AFF3: variants seen among roughly 807,000 people sequenced by gnomAD.
AFF3 encodes the protein AF4/FMR2 family member 3.
AFF3 carries 32 observed loss-of-function variants against 129.7 expected under a neutral mutation model. That is an observed-to-expected ratio of 0.25 (90% confidence interval 0.19 to 0.33). The LOEUF is 0.33. Among genes scored for constraint, AFF3 ranks in the 10% least tolerant of loss-of-function variants. The pLI, the probability that AFF3 is intolerant of heterozygous loss-of-function variation, is 1.00. For synonymous variants in AFF3, 644 were observed against 635.4 expected, an observed-to-expected ratio of 1.01 and a Z score of -0.20; for missense variants, 1,373 against 1,592.0, an observed-to-expected ratio of 0.86 and a Z score of 2.34.
At chr2:100,115,088 A>G (rs976989677) in intron 2 of AFF3, among the ~76,000 whole-genome samples, 3 of 151,720 alleles carry the variant, frequency 2.0e-5, no homozygotes, top group Non-Finnish European at 4.4e-5. Context: ...CAAAATTAAC[A>G]TGTGGGATTT....
At chr2:99,622,786 T>G (rs1682152944) in intron 13 of AFF3, among the ~76,000 whole-genome samples, 1 of 152,198 alleles carries the variant, frequency 6.6e-6, no homozygotes, top group Admixed American at 6.5e-5. Flanking sequence ...AGCCCATTCT[T>G]TCATTGAACT....
chr2:99,703,154 C>T (rs549411703), intron 11 of AFF3, among the ~76,000 whole-genome samples: 1 of 152,342 alleles, frequency 6.6e-6, no homozygotes, highest in African/African-American at 2.4e-5. Flanking sequence ...TGATGCAGGG[C>T]TGTGTTCCTT....
intron 11 of AFF3, among the ~76,000 whole-genome samples, chr2:99,726,231 G>T (rs1457113009): frequency 2.6e-5 from 4 of 152,018 alleles, no homozygotes; most frequent in Non-Finnish European, 5.9e-5. Flanking sequence ...ACAGATTTTG[G>T]ACAAAATAAG....
intron 12 of AFF3, among the ~76,000 whole-genome samples, chr2:99,661,431 C>T (rs1343710191): frequency 2.6e-5 from 4 of 152,172 alleles, no homozygotes; most frequent in African/African-American, 4.8e-5. Flanking sequence ...AATGGTTTCC[C>T]ATTTTTGTCT....
chr2:99,908,643 C>T (rs1427381711), intron 7 of AFF3, among the ~76,000 whole-genome samples: 3 of 152,264 alleles, frequency 2.0e-5, no homozygotes, highest in South Asian at 2.1e-4. Context: ...AAACAAACAA[C>T]CCCATCAAAA....
chr2:99,654,234 C>G (rs1685546401), intron 12 of AFF3, among the ~76,000 whole-genome samples: 1 of 152,154 alleles, frequency 6.6e-6, no homozygotes. Context: ...TTTGCAGTCA[C>G]TCTACATCAT....
chr2:99,789,631 C>T (rs7604536), intron 8 of AFF3, among the ~76,000 whole-genome samples: 132,272 of 151,932 alleles, frequency 0.87, 57,613 homozygotes, highest in South Asian at 0.92. Context: ...GCAGCCCAGC[C>T]TCTTCCTGCC....
intron 13 of AFF3, among the ~76,000 whole-genome samples, chr2:99,621,954 C>T (rs1225474751): frequency 2.0e-5 from 3 of 152,152 alleles, no homozygotes; most frequent in Non-Finnish European, 4.4e-5. Context: ...AATTTTATAG[C>T]ATCCAGCACC....
At chr2:99,700,955 G>A (rs1425829845) in intron 11 of AFF3, among the ~76,000 whole-genome samples, 1 of 152,214 alleles carries the variant, frequency 6.6e-6, no homozygotes, top group African/African-American at 2.4e-5. Flanking sequence ...GATTGAGGAG[G>A]CCCAATGCTT....
intron 14 of AFF3, among the ~76,000 whole-genome samples, chr2:99,600,486 C>A (rs1679719386): frequency 6.6e-6 from 1 of 152,154 alleles, no homozygotes; most frequent in African/African-American, 2.4e-5. Context: ...CTGATCGGGC[C>A]CATTAAGGTG....
At chr2:100,036,146 A>C (rs966233048) in intron 4 of AFF3, among the ~76,000 whole-genome samples, 1 of 149,972 alleles carries the variant, frequency 6.7e-6, no homozygotes, top group Non-Finnish European at 1.5e-5. Context: ...AAAAAAAAAA[A>C]AAAAAAAAAA....
rs1298569666 is a variant in AFF3, at chr2:99,774,863, C to T, written c.922-22562G>A. On this transcript the variant is annotated intron_variant, in intron 8 of 24. Coordinates refer to ENST00000672756, the MANE Select transcript of AFF3 (RefSeq NM_001386135.1). ...TATGCCTCTGACAAAGGTTTAACAT[C>T]CAGCATCTATAAAGAACTTAAACAA... Among the ~76,000 whole-genome samples the T allele has an allele frequency of 2.0e-5, 3 of 152,116 alleles. No homozygotes were observed. In the South Asian group the frequency reaches 6.2e-4, roughly 32 times the overall value.
chr2:99,846,350 G>A (rs1379885585), intron 7 of AFF3, among the ~76,000 whole-genome samples: 3 of 151,836 alleles, frequency 2.0e-5, no homozygotes, highest in Admixed American at 1.3e-4. Context: ...GGTTGGTCTC[G>A]AACTCCTGAC....
At chr2:100,114,574 G>A (rs374808340) in intron 2 of AFF3, among the ~76,000 whole-genome samples, 1 of 151,834 alleles carries the variant, frequency 6.6e-6, no homozygotes, top group Non-Finnish European at 1.5e-5. Context: ...TAGAAACAGG[G>A]TTTCACCATG....
intron 12 of AFF3, among the ~76,000 whole-genome samples, chr2:99,662,272 A>T (rs1686313499): frequency 6.6e-6 from 1 of 152,210 alleles, no homozygotes; most frequent in Non-Finnish European, 1.5e-5. Context: ...ATATACGGAT[A>T]TGAAAAAGGT....
chr2:99,828,869 C>A (rs575930462), intron 8 of AFF3, among the ~76,000 whole-genome samples: 1 of 152,198 alleles, frequency 6.6e-6, no homozygotes. Flanking sequence ...CACACATTCA[C>A]ATTCCAAAAA....
rs74626773 is a variant in AFF3, at chr2:99,927,819, A to G, written c.873+78813T>C. On this transcript the variant is annotated intron_variant, in intron 7 of 24. Coordinates refer to ENST00000672756, the MANE Select transcript of AFF3 (RefSeq NM_001386135.1). ...ACTGAGAGGCCCCAGAGCACGTGGG[A>G]GACTGATATGGTTTGGGTGGTTTTG... 4.7e-3 allele frequency among the ~76,000 whole-genome samples: 719 copies of G among 152,282 alleles called. 20 individuals carry two copies. Among genetic ancestry groups the G allele is most frequent in the Admixed American group, 0.038 (576 of 15,286 alleles).
At chr2:99,588,795 C>T (rs188479318) in intron 15 of AFF3, among the ~76,000 whole-genome samples, 6 of 152,274 alleles carry the variant, frequency 3.9e-5, no homozygotes, top group Middle Eastern at 3.4e-3. Flanking sequence ...AATTTGACAG[C>T]CAGGTCTATG....
At chr2:99,772,254 G>C (rs994537810) in intron 8 of AFF3, among the ~76,000 whole-genome samples, 3 of 152,210 alleles carry the variant, frequency 2.0e-5, no homozygotes, top group East Asian at 3.9e-4. Flanking sequence ...CAAATGGGGA[G>C]CTTTGTTCTG....
Sources: gnomAD v4.1 joint callset for allele counts (sites outside exome capture counted in the v4.1 genomes callset) on GRCh38, gnomAD v4.1.1 for gene constraint, MANE v1.5 for transcripts, NCBI Gene and HGNC (gene_info 2026-07-23, HGNC 2026-07-21) for gene names.